SLC15A4: variants seen among roughly 807,000 people sequenced by gnomAD.
The protein encoded by SLC15A4 is solute carrier family 15 member 4, also known as hPHT1.
Under a neutral mutation model 46.1 loss-of-function variants are expected in SLC15A4, and 26 were observed. The observed-to-expected ratio is 0.56, with a 90% CI of 0.41 to 0.78. SLC15A4 has a LOEUF of 0.78. Among genes scored for constraint, SLC15A4 ranks in the 30% least tolerant of loss-of-function variants. SLC15A4 has a pLI of 0.00. For synonymous variants in SLC15A4, 370 were observed against 333.4 expected (o/e 1.11, Z -1.20); for missense variants, 751 against 755.7 (o/e 0.99, Z 0.07).
At chr12:128,818,615 T>G (rs1001830075) in intron 1 of SLC15A4, among the ~76,000 whole-genome samples, 3 of 152,170 alleles carry the variant, frequency 2.0e-5, no homozygotes, top group African/African-American at 7.2e-5. Context: ...CTTCAAATGT[T>G]TTTTCACTAT....
intron 1 of SLC15A4, among the ~76,000 whole-genome samples, chr12:128,820,759 T>C (rs1955822710): frequency 6.6e-6 from 1 of 152,244 alleles, no homozygotes; most frequent in African/African-American, 2.4e-5. Context: ...TGGTGCACAG[T>C]AAGCTCTCAG....
intron 7 of SLC15A4, among the ~76,000 whole-genome samples, chr12:128,795,297 C>G (rs1376123609): frequency 6.6e-6 from 1 of 152,156 alleles, no homozygotes; most frequent in South Asian, 2.1e-4. Context: ...CAAACTGACA[C>G]AAGCAGATAC....
intron 7 of SLC15A4, among the ~76,000 whole-genome samples, chr12:128,795,838 G>T (rs1955436756): frequency 6.6e-6 from 1 of 152,190 alleles, no homozygotes; most frequent in African/African-American, 2.4e-5. Flanking sequence ...GCGTCCCTCT[G>T]TCTCCGTACC....
intron 5 of SLC15A4, among the ~76,000 whole-genome samples, chr12:128,805,530 T>C (rs1287960771): frequency 6.6e-6 from 1 of 152,092 alleles, no homozygotes; most frequent in Non-Finnish European, 1.5e-5. Context: ...AATAAAATTA[T>C]AGGAAATTTT....
intron 2 of SLC15A4, 78 bp downstream of exon 2, chr12:128,814,697 A>G (rs1389407478): frequency 1.7e-5 from 25 of 1,489,894 alleles, no homozygotes; most frequent in Non-Finnish European, 2.2e-5. Context: ...TAAGCACACA[A>G]CAAACCGAAG....
chr12:128,806,248 A>G (rs1415838282), intron 5 of SLC15A4, among the ~76,000 whole-genome samples: 1 of 152,120 alleles, frequency 6.6e-6, no homozygotes, highest in East Asian at 1.9e-4. Flanking sequence ...GTACAGTTAC[A>G]TTCTATGGGG....
In SLC15A4 at chr12:128,810,071, G is replaced by C; in HGVS notation, c.883C>G (p.Leu295Val). 6.2e-7 allele frequency: 1 copy of C among 1,613,996 alleles called. No homozygotes were observed. The highest frequency in any genetic ancestry group is 1.1e-5 in the South Asian group (1 of 91,036). The change falls in exon 3 of 8, where the codon CTG becomes GTG. Residue 295 changes from leucine (L) to valine (V), a missense_variant. Leu to Val is a conservative substitution (Grantham distance 32, BLOSUM62 1). Transcript: ENST00000266771. ...GVFQQSSKQSLFDSCKMSHGG... is the reference protein window; with the variant it reads ...GVFQQSSKQSVFDSCKMSHGG... ...TGAGACATCTTACATGAATCAAACA[G>C]ACTTTGTTTAGAAGATTGCTGAAAG...
At chr12:128,812,309 CTTT>C (rs372071690) in intron 2 of SLC15A4, among the ~76,000 whole-genome samples, 3 of 150,140 alleles carry the variant, frequency 2.0e-5, no homozygotes, top group African/African-American at 7.3e-5. Context: ...GGAGGCCCAA[CTTT>C]TTTTTTTTAT....
chr12:128,797,856 A>C (rs1422878308), intron 7 of SLC15A4, among the ~76,000 whole-genome samples: 2 of 152,198 alleles, frequency 1.3e-5, no homozygotes, highest in Non-Finnish European at 2.9e-5. Context: ...AACTCTCCTT[A>C]CTGGTGTGAA....
chr12:128,821,213 C>T (rs148703160), intron 1 of SLC15A4, among the ~76,000 whole-genome samples: 2 of 152,310 alleles, frequency 1.3e-5, no homozygotes, highest in African/African-American at 4.8e-5. Context: ...AGACAACCTG[C>T]CAGTACTTCC....
At chr12:128,813,888 T>C (rs893680923) in intron 2 of SLC15A4, 89 of 152,164 alleles carry the variant, frequency 5.8e-4, no homozygotes, top group African/African-American at 2.1e-3. Context: ...TGTACAGATA[T>C]AAGGGGTAAA....
intron 7 of SLC15A4, among the ~76,000 whole-genome samples, chr12:128,798,115 G>A (rs60655332): frequency 0.036 from 5,494 of 152,266 alleles, 304 homozygotes; most frequent in African/African-American, 0.12. Flanking sequence ...AGAAAGCAAC[G>A]AGAATGACCA....
At chr12:128,795,360 C>T (rs1955431414) in intron 7 of SLC15A4, among the ~76,000 whole-genome samples, 1 of 152,158 alleles carries the variant, frequency 6.6e-6, no homozygotes, top group African/African-American at 2.4e-5. Context: ...CCAACCGAGT[C>T]CCGGGCACTA....
intron 5 of SLC15A4, among the ~76,000 whole-genome samples, chr12:128,804,687 G>A (rs12813317): frequency 0.068 from 10,420 of 152,274 alleles, 469 homozygotes; most frequent in South Asian, 0.12. Flanking sequence ...CTGAGATCAC[G>A]CCACTGCACT....
At chr12:128,798,106 G>A (rs754536845) in intron 7 of SLC15A4, among the ~76,000 whole-genome samples, 2 of 152,340 alleles carry the variant, frequency 1.3e-5, no homozygotes, top group Middle Eastern at 3.4e-3. Flanking sequence ...TAAATGACTA[G>A]AAAGCAACGA....
intron 1 of SLC15A4, among the ~76,000 whole-genome samples, chr12:128,822,883 C>T (rs914480075): frequency 6.6e-6 from 1 of 151,976 alleles, no homozygotes; most frequent in Admixed American, 6.6e-5. Context: ...GGGTCTCACT[C>T]TGTTACCCAA....
At chr12:128,805,830 A>G (rs987229311) in intron 5 of SLC15A4, among the ~76,000 whole-genome samples, 2 of 152,156 alleles carry the variant, frequency 1.3e-5, no homozygotes, top group Admixed American at 1.3e-4. Flanking sequence ...TCCATAAGCT[A>G]AGAGATAAAA....
Position 128,820,223 on chromosome 12 carries a change from C to T in SLC15A4, c.546+3175G>A, listed in dbSNP as rs143381902. Among the ~76,000 whole-genome samples, 310 of 152,260 alleles carry T rather than the reference C, an allele frequency of 2.0e-3. 1 individual carries two copies. Among genetic ancestry groups the T allele is most frequent in the Middle Eastern group, 3.4e-3 (1 of 294 alleles). On this transcript the variant is annotated intron_variant, in intron 1 of 7. Transcript: ENST00000266771. ...CCAGCCCTGCAGAACCATTACGGAA[C>T]GCACGCACACTGGGCCCATCTTAGT...
intron 7 of SLC15A4, among the ~76,000 whole-genome samples, chr12:128,794,693 C>A (rs749459826): frequency 2.0e-5 from 3 of 152,162 alleles, no homozygotes; most frequent in Non-Finnish European, 4.4e-5. Context: ...CAGGAAAATC[C>A]CTGCGTGGCC....
Sources: gnomAD v4.1 joint callset for allele counts (sites outside exome capture counted in the v4.1 genomes callset) on GRCh38, gnomAD v4.1.1 for gene constraint, MANE v1.5 for transcripts, NCBI Gene and HGNC (gene_info 2026-07-23, HGNC 2026-07-21) for gene names.